ASXL3: variants seen among roughly 807,000 people sequenced by gnomAD.
ASXL3 encodes the protein ASXL transcriptional regulator 3.
In ASXL3, 34 loss-of-function variants were observed where a neutral mutation model predicts 170.6. That is an observed-to-expected ratio of 0.20 (90% CI 0.15 to 0.27). ASXL3 has a LOEUF of 0.27. Among genes scored for constraint, ASXL3 ranks in the 10% least tolerant of loss-of-function variants. ASXL3 has a pLI of 1.00. For missense variants in ASXL3, 2,592 were observed against 2,695.3 expected (o/e 0.96, Z 0.85); for synonymous variants, 1,002 against 989.1 (o/e 1.01, Z -0.24).
At chr18:33,586,656 T>G (rs1011709316) in intron 1 of ASXL3, among the ~76,000 whole-genome samples, 1 of 152,126 alleles carries the variant, frequency 6.6e-6, no homozygotes, top group Non-Finnish European at 1.5e-5. Flanking sequence ...CTCCTCTTTA[T>G]TCTCGTCGCC....
Position 33,597,453 on chromosome 18 carries a change from C to T in ASXL3, c.55-10141C>T, listed in dbSNP as rs546275496. Among the ~76,000 whole-genome samples the T allele has an allele frequency of 6.1e-4, 93 of 151,912 alleles. 1 individual carries two copies. The highest frequency in any genetic ancestry group is 2.1e-3 in the African/African-American group (89 of 41,432). Reference sequence around the variant, plus strand: ...ATGTATGTACCTTCATTTATTTAACCATCTCCCTCTTAGACTACGTCTCAT... The same window carrying T: ...ATGTATGTACCTTCATTTATTTAACTATCTCCCTCTTAGACTACGTCTCAT... On this transcript the variant is annotated intron_variant, in intron 1 of 11. Coordinates refer to ENST00000269197, the MANE Select transcript of ASXL3 (RefSeq NM_030632.3).
chr18:33,652,097 G>A (rs572278204), intron 4 of ASXL3, among the ~76,000 whole-genome samples: 15 of 152,160 alleles, frequency 9.9e-5, no homozygotes, highest in Admixed American at 5.9e-4. Context: ...ATATATCCGT[G>A]TTGACAACCC....
At chr18:33,725,899 A>T in intron 8 of ASXL3, among the ~76,000 whole-genome samples, 1 of 152,100 alleles carries the variant, frequency 6.6e-6, no homozygotes, top group East Asian at 1.9e-4. Context: ...TATCTTGAAT[A>T]TTCTCCTTCC....
At chr18:33,705,515 G>C (rs1237968822) in intron 8 of ASXL3, among the ~76,000 whole-genome samples, 4 of 151,600 alleles carry the variant, frequency 2.6e-5, no homozygotes, top group African/African-American at 9.7e-5. Flanking sequence ...TATGAACTCT[G>C]TATATTTTTT....
intron 1 of ASXL3, among the ~76,000 whole-genome samples, chr18:33,594,346 C>T (rs1414970123): frequency 2.6e-5 from 4 of 152,080 alleles, no homozygotes; most frequent in South Asian, 2.1e-4. Flanking sequence ...AATTTTTCTT[C>T]GTTCTGTCAT....
intron 4 of ASXL3, among the ~76,000 whole-genome samples, chr18:33,649,382 G>A (rs1325137801): frequency 6.6e-6 from 1 of 152,098 alleles, no homozygotes; most frequent in Non-Finnish European, 1.5e-5. Flanking sequence ...GCTTCTGTGT[G>A]TGTTATTTTT....
chr18:33,599,207 A>G (rs1161190260), intron 1 of ASXL3, among the ~76,000 whole-genome samples: 2 of 152,136 alleles, frequency 1.3e-5, no homozygotes, highest in Non-Finnish European at 2.9e-5. Flanking sequence ...GTCAAACTAA[A>G]TTAATTTATT....
In ASXL3 at chr18:33,585,885, C is replaced by T. The variant is rs146611865; in HGVS notation, c.54+7200C>T. On this transcript the variant is annotated intron_variant, in intron 1 of 11. Transcript: ENST00000269197. ...TTGCATAGATGTAGCATAAATTAGTCCAGAGAAAACTAGATTATGATTTTT... is the reference window on the plus strand; with the variant it reads ...TTGCATAGATGTAGCATAAATTAGTTCAGAGAAAACTAGATTATGATTTTT... Among the ~76,000 whole-genome samples the T allele has an allele frequency of 6.0e-4, 91 of 152,030 alleles. 3 individuals carry two copies. The East Asian group carries it at 0.016, about 27-fold the overall frequency.
At chr18:33,671,544 C>T (rs1423028205) in intron 6 of ASXL3, among the ~76,000 whole-genome samples, 2 of 152,096 alleles carry the variant, frequency 1.3e-5, no homozygotes, top group African/African-American at 4.8e-5. Context: ...ACTATTAGGC[C>T]ATCTGTTCTT....
rs73955163 is a variant in ASXL3, at chr18:33,640,285, C to T, written c.138-4609C>T. On this transcript the variant is annotated intron_variant, in intron 2 of 11. Coordinates refer to ENST00000269197, the MANE Select transcript of ASXL3 (RefSeq NM_030632.3). ...TACAAACATATATATATATATCATT[C>T]AGATAACATATATAAAGCCCTCTAA... Among the ~76,000 whole-genome samples the T allele has an allele frequency of 8.4e-3, 1,274 of 151,920 alleles. 9 individuals carry two copies. Among genetic ancestry groups the T allele is most frequent in the African/African-American group, 0.025 (1,056 of 41,468 alleles).
At chr18:33,619,910 A>G (rs1237427903) in intron 2 of ASXL3, among the ~76,000 whole-genome samples, 1 of 152,134 alleles carries the variant, frequency 6.6e-6, no homozygotes, top group African/African-American at 2.4e-5. Flanking sequence ...AGTTATTAAC[A>G]TCGTTTTTCC....
At chr18:33,612,935 C>T (rs1225089177) in intron 2 of ASXL3, among the ~76,000 whole-genome samples, 1 of 152,066 alleles carries the variant, frequency 6.6e-6, no homozygotes, top group East Asian at 1.9e-4. Context: ...AGTGTTAGCT[C>T]ACAGTGTCAT....
chr18:33,601,026 A>G (rs904822161), intron 1 of ASXL3, among the ~76,000 whole-genome samples: 1 of 152,140 alleles, frequency 6.6e-6, no homozygotes, highest in African/African-American at 2.4e-5. Flanking sequence ...AACAGTATCT[A>G]AAAGCATGCC....
intron 2 of ASXL3, among the ~76,000 whole-genome samples, chr18:33,609,592 A>G (rs16964793): frequency 0.085 from 12,950 of 152,058 alleles, 637 homozygotes; most frequent in African/African-American, 0.12. Flanking sequence ...AACAAATTTT[A>G]AAAACCAACT....
chr18:33,652,743 G>A (rs1261332668), intron 4 of ASXL3, among the ~76,000 whole-genome samples: 1 of 152,030 alleles, frequency 6.6e-6, no homozygotes, highest in South Asian at 2.1e-4. Context: ...TTCTGATTGT[G>A]TGATTCTTGG....
rs2067429264 is a variant in ASXL3, at chr18:33,730,765, A to C, written c.880-1203A>C. 1.3e-5 allele frequency among the ~76,000 whole-genome samples: 2 copies of C among 152,334 alleles called. 1 individual carries two copies. The highest frequency in any genetic ancestry group is 6.8e-3 in the Middle Eastern group (2 of 294). ...GCCAGTGAATTTCCAGCACCCATAC[A>C]AGTGCCCTGCACATAGGTTCATATG... On this transcript the variant is annotated intron_variant, in intron 8 of 11. Transcript: ENST00000269197.
intron 2 of ASXL3, among the ~76,000 whole-genome samples, chr18:33,641,373 G>C (rs1198651005): frequency 6.6e-6 from 1 of 151,956 alleles, no homozygotes; most frequent in Non-Finnish European, 1.5e-5. Flanking sequence ...CAAACCAGAA[G>C]GGTCCACAGC....
At chr18:33,725,701 T>C (rs2067338781) in intron 8 of ASXL3, among the ~76,000 whole-genome samples, 1 of 152,156 alleles carries the variant, frequency 6.6e-6, no homozygotes, top group Non-Finnish European at 1.5e-5. Flanking sequence ...TACATCAACA[T>C]ATCCAAAGCC....
intron 7 of ASXL3, among the ~76,000 whole-genome samples, chr18:33,676,698 A>T (rs746569278): frequency 1.3e-5 from 2 of 152,226 alleles, no homozygotes; most frequent in Non-Finnish European, 2.9e-5. Context: ...ATCTGCTGGG[A>T]TGAAGTGTAG....
Sources: allele counts gnomAD v4.1 joint callset (sites outside exome capture counted in the v4.1 genomes callset), GRCh38; gene constraint gnomAD v4.1.1; transcripts MANE v1.5; gene names NCBI Gene and HGNC (gene_info 2026-07-23, HGNC 2026-07-21).